The following KCNN2 variants were observed in gnomAD, a reference collection of about 807,000 sequenced individuals.
KCNN2 encodes small conductance calcium-activated potassium channel protein 2.
KCNN2 carries 24 observed loss-of-function variants against 55.5 expected under a neutral mutation model. That is an observed-to-expected ratio of 0.43 (90% CI 0.31 to 0.61). The LOEUF is 0.61. Ranked by LOEUF, KCNN2 falls within the 20% of genes least tolerant of loss-of-function variation. KCNN2 has a pLI of 0.08. For missense variants in KCNN2, 754 were observed against 853.6 expected, an observed-to-expected ratio of 0.88 and a Z score of 1.45; for synonymous variants, 431 against 336.1, an observed-to-expected ratio of 1.28 and a Z score of -3.09.
At chr5:114,119,829 A>G (rs751623856) in intron 1 of KCNN2, among the ~76,000 whole-genome samples, 7 of 152,124 alleles carry the variant, frequency 4.6e-5, no homozygotes, top group Non-Finnish European at 7.4e-5. Context: ...GGTTCTGACT[A>G]TCTGCGTGGC....
intron 1 of KCNN2, among the ~76,000 whole-genome samples, chr5:114,177,162 G>T (rs1190026237): frequency 7.0e-6 from 1 of 141,992 alleles, no homozygotes; most frequent in African/African-American, 2.6e-5. Flanking sequence ...TTTTGAAACG[G>T]AGTCTCGCTC....
At chr5:114,129,030 A>T (rs1751996582) in intron 1 of KCNN2, among the ~76,000 whole-genome samples, 1 of 152,224 alleles carries the variant, frequency 6.6e-6, no homozygotes, top group African/African-American at 2.4e-5. Context: ...AATAAAGGAT[A>T]ATTTACAAAG....
At chr5:114,131,899 C>G (rs1388814969) in intron 1 of KCNN2, among the ~76,000 whole-genome samples, 2 of 152,040 alleles carry the variant, frequency 1.3e-5, no homozygotes, top group Non-Finnish European at 2.9e-5. Flanking sequence ...ACTTTTTTTC[C>G]TATTCTTGTT....
intron 2 of KCNN2, among the ~76,000 whole-genome samples, chr5:114,284,487 T>C (rs1405562769): frequency 2.6e-5 from 4 of 151,650 alleles, no homozygotes; most frequent in Admixed American, 2.6e-4. Flanking sequence ...CTAATCCAGA[T>C]AGTTGAGTAC....
chr5:114,219,945 G>A (rs1226731654), intron 1 of KCNN2, among the ~76,000 whole-genome samples: 1 of 152,138 alleles, frequency 6.6e-6, no homozygotes, highest in Non-Finnish European at 1.5e-5. Context: ...AAAAGTTTTA[G>A]GCTTTGTGGG....
At chr5:114,149,521 G>T (rs558310815) in intron 1 of KCNN2, among the ~76,000 whole-genome samples, 30 of 152,240 alleles carry the variant, frequency 2.0e-4, no homozygotes, top group African/African-American at 7.2e-4. Flanking sequence ...GGATATACCA[G>T]CATTTATTAT....
At chr5:114,246,968 T>C (rs1754758858) in intron 2 of KCNN2, among the ~76,000 whole-genome samples, 1 of 151,698 alleles carries the variant, frequency 6.6e-6, no homozygotes, top group African/African-American at 2.4e-5. Flanking sequence ...CTCTGATTTG[T>C]TACCTGGAAA....
At chr5:114,372,457 G>A (rs1757790366) in intron 2 of KCNN2, among the ~76,000 whole-genome samples, 1 of 152,120 alleles carries the variant, frequency 6.6e-6, no homozygotes, top group Non-Finnish European at 1.5e-5. Flanking sequence ...CATTTTCTGT[G>A]TTTACTGCAG....
At chr5:114,086,395 AG>A (rs1163708499) in intron 1 of KCNN2, among the ~76,000 whole-genome samples, 1 of 151,384 alleles carries the variant, frequency 6.6e-6, no homozygotes, top group Non-Finnish European at 1.5e-5. Flanking sequence ...GACTGAGCAT[AG>A]TACCCAATAG....
At chr5:114,493,293 C>T (rs1747950672) in intron 6 of KCNN2, 110 bp from the exon 7 acceptor site, 1 of 781,612 alleles carries the variant, frequency 1.3e-6, no homozygotes, top group Non-Finnish European at 2.3e-6. Flanking sequence ...ATGTTCAAGG[C>T]ATTATCCATG....
At chr5:114,102,406 A>G (rs2721302) in intron 1 of KCNN2, among the ~76,000 whole-genome samples, 2,872 of 152,138 alleles carry the variant, frequency 0.019, 106 homozygotes, top group African/African-American at 0.065. Context: ...CTCTAATGAT[A>G]GTTTCTTTTG....
At chr5:114,152,580 G>A (rs1341036447) in intron 1 of KCNN2, among the ~76,000 whole-genome samples, 1 of 152,124 alleles carries the variant, frequency 6.6e-6, no homozygotes, top group African/African-American at 2.4e-5. Context: ...TTTTATGGGA[G>A]CTTATTCTAT....
chr5:114,256,531 C>T (rs148507613), intron 2 of KCNN2, among the ~76,000 whole-genome samples: 124 of 152,096 alleles, frequency 8.2e-4, no homozygotes, highest in Non-Finnish European at 1.4e-3. Context: ...GCATCCTTGC[C>T]AACATCTTTT....
chr5:114,261,538 C>A (rs1157030187), intron 2 of KCNN2, among the ~76,000 whole-genome samples: 1 of 152,172 alleles, frequency 6.6e-6, no homozygotes, highest in Non-Finnish European at 1.5e-5. Context: ...AGGGCCAGAA[C>A]CTTACCACAC....
intron 2 of KCNN2, among the ~76,000 whole-genome samples, chr5:114,315,567 A>G (rs1324173221): frequency 3.3e-5 from 5 of 151,858 alleles, no homozygotes; most frequent in Admixed American, 2.0e-4. Context: ...AAATAAATTT[A>G]CTATATTTTC....
intron 3 of KCNN2, among the ~76,000 whole-genome samples, chr5:114,417,578 C>G (rs902719844): frequency 1.7e-4 from 26 of 152,282 alleles, no homozygotes; most frequent in African/African-American, 6.3e-4. Context: ...ACCAAGGTCA[C>G]TGGCATTTAT....
intron 1 of KCNN2, among the ~76,000 whole-genome samples, chr5:114,193,841 GT>G (rs1561517230): frequency 6.6e-6 from 1 of 152,012 alleles, no homozygotes; most frequent in African/African-American, 2.4e-5. Context: ...GTAAGTGTGT[GT>G]TTTTATTTTC....
intron 1 of KCNN2, among the ~76,000 whole-genome samples, chr5:114,065,079 T>C (rs1042157385): frequency 9.9e-5 from 15 of 152,216 alleles, no homozygotes; most frequent in African/African-American, 3.6e-4. Flanking sequence ...GGATACACTA[T>C]GTCACACTAC....
intron 1 of KCNN2, among the ~76,000 whole-genome samples, chr5:114,145,058 T>C (rs1752369980): frequency 6.6e-6 from 1 of 152,196 alleles, no homozygotes; most frequent in African/African-American, 2.4e-5. Flanking sequence ...CTATGGTTAA[T>C]CTCCATAATT....
Sources: allele counts gnomAD v4.1 joint callset (sites outside exome capture counted in the v4.1 genomes callset), GRCh38; gene constraint gnomAD v4.1.1; transcripts MANE v1.5; gene names NCBI Gene and HGNC (gene_info 2026-07-23, HGNC 2026-07-21).